Variants in SACS observed in about 807,000 individuals in gnomAD.
The protein encoded by SACS is sacsin molecular chaperone.
In SACS, 197 loss-of-function variants were observed where a neutral mutation model predicts 348.0. That is an observed-to-expected ratio of 0.57 (90% CI 0.50 to 0.64). The LOEUF is 0.64. SACS is among the 30% of genes least tolerant of loss of function. The pLI, the probability that SACS is intolerant of heterozygous loss-of-function variation, is 0.00. For missense variants in SACS, 4,999 were observed against 5,360.8 expected (o/e 0.93, Z 2.11); for synonymous variants, 1,985 against 1,910.6 (o/e 1.04, Z -1.02).
chr13:23,395,081 G>A (rs1222955132), intron 2 of SACS, among the ~76,000 whole-genome samples: 1 of 152,138 alleles, frequency 6.6e-6, no homozygotes, highest in Non-Finnish European at 1.5e-5. Flanking sequence ...AGGAGTCCTA[G>A]GCTTCTCTGT....
intron 9 of SACS, among the ~76,000 whole-genome samples, chr13:23,352,612 C>T (rs1432189835): frequency 6.6e-6 from 1 of 151,656 alleles, no homozygotes; most frequent in African/African-American, 2.4e-5. Flanking sequence ...TATTTCAACA[C>T]AAAATTTTAA....
At chr13:23,375,416 G>C (rs1490480121) in intron 2 of SACS, 147 bp from the exon 3 acceptor site, 24 of 1,223,448 alleles carry the variant, frequency 2.0e-5, no homozygotes, top group Admixed American at 4.4e-5. Context: ...GCCCGATCAC[G>C]GCCGGCCCTA....
chr13:23,404,124 T>C (rs529155346), intron 2 of SACS, among the ~76,000 whole-genome samples: 11 of 152,348 alleles, frequency 7.2e-5, no homozygotes, highest in Admixed American at 2.6e-4. Flanking sequence ...TGGTTATGAT[T>C]TGCGTTCTTT....
chr13:23,371,736 C>T (rs1441543040), intron 3 of SACS, among the ~76,000 whole-genome samples: 1 of 152,124 alleles, frequency 6.6e-6, no homozygotes, highest in Non-Finnish European at 1.5e-5. Context: ...AACACATATC[C>T]ATACATACGT....
At chr13:23,428,645 G>A (rs1400622847) in intron 1 of SACS, 3 of 152,176 alleles carry the variant, frequency 2.0e-5, no homozygotes, top group African/African-American at 7.2e-5. Context: ...TTTTGTGTGT[G>A]TGTAATAAAG....
Position 23,338,805 on chromosome 13 carries a change from T to A in SACS, c.5071A>T (p.Lys1691Ter), listed in dbSNP as rs772331348. ...HRLIIFTQSV[K>*]SMYLKYLKIE... Reference sequence around the variant, plus strand: ...TTCAAGTACTTCAAATACATTGACTTTACACTCTGAGTGAAAATGATAAGC... The same window carrying A: ...TTCAAGTACTTCAAATACATTGACTATACACTCTGAGTGAAAATGATAAGC... The change falls in exon 10 of 10, where the codon AAG becomes TAG. Residue 1691 changes from lysine (K) to a stop codon, truncating the protein, a stop_gained. Coordinates refer to ENST00000382292, the MANE Select transcript of SACS (RefSeq NM_014363.6). LOFTEE classifies it high-confidence loss of function. 6.2e-7 allele frequency: 1 copy of A among 1,613,154 alleles called. No homozygotes were observed. Among genetic ancestry groups the A allele is most frequent in the Non-Finnish European group, 8.5e-7 (1 of 1,179,938 alleles).
At position 23,331,102 on chromosome 13, in the gene SACS, A is replaced by T; in HGVS notation, c.12774T>A (p.Ala4258=). The T allele has an allele frequency of 6.2e-7, 1 of 1,614,100 alleles. No individual in the cohort carries two copies. The highest frequency in any genetic ancestry group is 1.1e-5 in the South Asian group (1 of 91,072). Residue 4258 remains alanine (A), a synonymous_variant, in exon 10 of 10, where the codon GCT becomes GCA. Transcript: ENST00000382292. ...PEESSQSRDS[A]PSTPTSPTEF... is the part of the protein sequence containing the mutation. ...CAGTGGGGCTGGTTGGTGTAGAAGG[A>T]GCACTGTCCCTGCTTTGAGAGCTTT...
chr13:23,341,267 G>A lies in SACS; in HGVS notation c.2609C>T (p.Ser870Leu). 1 of 1,613,624 alleles carries A rather than the reference G, an allele frequency of 6.2e-7. No individual in the cohort carries two copies. The highest frequency in any genetic ancestry group is 8.5e-7 in the Non-Finnish European group (1 of 1,179,664). ...QHPLIKKYIH[S>L]PLPSAVLQIM... Reference sequence around the variant, plus strand: ...CTGCAAAACAGCACTTGGTAATGGTGAATGAATATATTTTTTAATAAGCGG... The same window carrying A: ...CTGCAAAACAGCACTTGGTAATGGTAAATGAATATATTTTTTAATAAGCGG... Residue 870 changes from serine (S) to leucine (L), a missense_variant, in exon 10 of 10, where the codon TCA (serine) becomes TTA (leucine). Transcript: ENST00000382292.
chr13:23,378,550 T>C lies in SACS; in HGVS notation c.21-3281A>G, dbSNP rs1344233927. Among the ~76,000 whole-genome samples the C allele has an allele frequency of 4.6e-5, 7 of 152,138 alleles. No individual in the cohort carries two copies. The East Asian group carries it at 1.3e-3, about 29-fold the overall frequency. On this transcript the variant is annotated intron_variant, in intron 2 of 9. Coordinates refer to ENST00000382292, the MANE Select transcript of SACS (RefSeq NM_014363.6). Reference sequence around the variant, plus strand: ...CTGCATCCTGGGTTCAAGCAATTCTTGTGTCCCAGCCTCCCGAGCAGCTGG... The same window carrying C: ...CTGCATCCTGGGTTCAAGCAATTCTCGTGTCCCAGCCTCCCGAGCAGCTGG...
Position 23,332,192 on chromosome 13 carries a change from A to C in SACS, c.11684T>G (p.Val3895Gly), listed in dbSNP as rs766487632. The change falls in exon 10 of 10, where the codon GTG becomes GGG. Residue 3895 changes from valine to glycine, a missense_variant. This residue lies in a region of SACS where 831 missense variants were observed against 941.8 expected (regional missense o/e 0.88). Transcript: ENST00000382292. ...TCGTACATTCTCGAGATCACTCCTCACCTTGACTGAATCATTCTGTAGACT... is the reference window on the plus strand; with the variant it reads ...TCGTACATTCTCGAGATCACTCCTCCCCTTGACTGAATCATTCTGTAGACT... Reference protein sequence around the residue: ...FRSLQNDSVKVRSDLENVRDL... With the variant: ...FRSLQNDSVKGRSDLENVRDL... 11 of 1,613,898 alleles carry C rather than the reference A, an allele frequency of 6.8e-6. No individual in the cohort carries two copies. In the Middle Eastern group the frequency reaches 4.9e-4, roughly 72 times the overall value.
intron 2 of SACS, among the ~76,000 whole-genome samples, chr13:23,406,265 A>G (rs1158676550): frequency 6.6e-6 from 1 of 152,166 alleles, no homozygotes; most frequent in Non-Finnish European, 1.5e-5. Flanking sequence ...CATTCTCAGC[A>G]AACTAACACA....
Position 23,331,082 on chromosome 13 carries a change from G to A in SACS, c.12794C>T (p.Pro4265Leu), listed in dbSNP as rs747650098. The stretch of plus-strand genomic sequence containing the variant: ...CAGGCCAGGGGTGAGGAACTCAGTG[G>A]GGCTGGTTGGTGTAGAAGGAGCACT... The part of the protein sequence containing the change: ...RDSAPSTPTS[P>L]TEFLTPGLRS... The change falls in exon 10 of 10, where the codon CCC becomes CTC. Residue 4265 changes from proline (P) to leucine (L), a missense_variant. Coordinates refer to ENST00000382292, the MANE Select transcript of SACS (RefSeq NM_014363.6). 1.2e-6 allele frequency: 2 copies of A among 1,614,040 alleles called. No homozygotes were observed. Among genetic ancestry groups the A allele is most frequent in the East Asian group, 2.2e-5 (1 of 44,870 alleles).
chr13:23,399,019 CAA>C (rs752943692), intron 2 of SACS, among the ~76,000 whole-genome samples: 6 of 67,132 alleles, frequency 8.9e-5, no homozygotes, highest in Admixed American at 4.2e-4. Flanking sequence ...GACTCCATCT[CAA>C]AAAAAAAAAA....
intron 1 of SACS, among the ~76,000 whole-genome samples, chr13:23,430,942 A>G (rs961530221): frequency 2.0e-5 from 3 of 152,200 alleles, no homozygotes; most frequent in African/African-American, 7.2e-5. Flanking sequence ...ATACCATGGT[A>G]GGAACAGAGC....
At chr13:23,431,223 T>A (rs550063974) in intron 1 of SACS, among the ~76,000 whole-genome samples, 1 of 152,308 alleles carries the variant, frequency 6.6e-6, no homozygotes, top group East Asian at 1.9e-4. Flanking sequence ...CTGAAGGAAA[T>A]TGAAAGATTA....
At position 23,391,496 on chromosome 13, in the gene SACS, G is replaced by A. The variant is rs141335485; in HGVS notation, c.21-16227C>T. On this transcript the variant is annotated intron_variant, in intron 2 of 9. Transcript: ENST00000382292. The stretch of plus-strand genomic sequence containing the variant: ...TCAGGGAATTCATGCCTCCTGCAGC[G>A]TCACCAGGGCCTGGTTATGTCCTTC... Among the ~76,000 whole-genome samples the A allele has an allele frequency of 8.0e-4, 122 of 152,254 alleles. 1 individual carries two copies. The highest frequency in any genetic ancestry group is 3.4e-3 in the Middle Eastern group (1 of 294).
Position 23,332,127 on chromosome 13 carries a change from C to T in SACS, c.11749G>A (p.Val3917Ile), listed in dbSNP as rs755089642. The change falls in exon 10 of 10, where the codon GTA (valine) becomes ATA (isoleucine). Residue 3917 changes from valine to isoleucine, a missense_variant. Physicochemically the swap from Val to Ile is conservative, Grantham distance 29. Coordinates refer to ENST00000382292, the MANE Select transcript of SACS (RefSeq NM_014363.6). ...TCAAACACTAAGATGCTTGACTTTACCAATCTACCATCCTGGCTTGGGAGG... is the reference window on the plus strand; with the variant it reads ...TCAAACACTAAGATGCTTGACTTTATCAATCTACCATCCTGGCTTGGGAGG... ...LYLPSQDGRL[V>I]KSSILVFDDA... The T allele has an allele frequency of 3.1e-6, 5 of 1,614,038 alleles. No individual in the cohort carries two copies. The South Asian group carries it at 5.5e-5, about 18-fold the overall frequency.
chr13:23,404,161 C>G (rs1285917853), intron 2 of SACS, among the ~76,000 whole-genome samples: 2 of 152,082 alleles, frequency 1.3e-5, no homozygotes, highest in Non-Finnish European at 2.9e-5. Flanking sequence ...TGTTTCACTT[C>G]CAATTATGTG....
Position 23,332,201 on chromosome 13 carries a change from G to C in SACS, c.11675C>G (p.Ser3892Ter). 1 of 1,613,958 alleles carries C rather than the reference G, an allele frequency of 6.2e-7. No homozygotes were observed. Among genetic ancestry groups the C allele is most frequent in the Non-Finnish European group, 8.5e-7 (1 of 1,179,936 alleles). The change falls in exon 10 of 10, where the codon TCA (serine) becomes TGA (stop). Residue 3892 changes from serine (S) to a stop codon, truncating the protein, a stop_gained. Coordinates refer to ENST00000382292, the MANE Select transcript of SACS (RefSeq NM_014363.6). LOFTEE classifies it high-confidence loss of function. ...CTCGAGATCACTCCTCACCTTGACTGAATCATTCTGTAGACTCCTGAACAG... is the reference window on the plus strand; with the variant it reads ...CTCGAGATCACTCCTCACCTTGACTCAATCATTCTGTAGACTCCTGAACAG... Reference protein sequence around the residue: ...SGLFRSLQNDSVKVRSDLENV... With the variant: ...SGLFRSLQND
Sources: allele counts gnomAD v4.1 joint callset (sites outside exome capture counted in the v4.1 genomes callset), GRCh38; gene constraint gnomAD v4.1.1; regional missense constraint gnomAD v4.1.1; transcripts MANE v1.5; gene names NCBI Gene and HGNC (gene_info 2026-07-23, HGNC 2026-07-21).